SLC68A1: variants seen among roughly 807,000 people sequenced by gnomAD.
The protein encoded by SLC68A1 is major facilitator superfamily domain containing 13A.
chr10:102,463,084 G>A, the SLC68A1 span, among the ~76,000 whole-genome samples: 1 of 152,004 alleles, frequency 6.6e-6, no homozygotes, highest in Non-Finnish European at 1.5e-5. Flanking sequence ...GGGGCCAATC[G>A]ACCCAGCAGG....
the SLC68A1 span, chr10:102,475,891 C>T: frequency 1.5e-5 from 25 of 1,613,916 alleles, no homozygotes; most frequent in Middle Eastern, 3.3e-4. Flanking sequence ...TCACCTGGTC[C>T]CAGTTCACGC....
chr10:102,472,096 G>A, the SLC68A1 span: 9,046 of 451,588 alleles, frequency 0.02, 675 homozygotes, highest in African/African-American at 0.16. Context: ...CCAGGAGTTC[G>A]AGGCTGCAAT....
the SLC68A1 span, chr10:102,471,456 A>G: frequency 6.3e-7 from 1 of 1,586,038 alleles, no homozygotes; most frequent in Admixed American, 1.7e-5. Flanking sequence ...AAGGGGACAG[A>G]CTCCTCAAGA....
At chr10:102,471,328 G>C in the SLC68A1 span, 4 of 1,613,770 alleles carry the variant, frequency 2.5e-6, no homozygotes, top group Non-Finnish European at 3.4e-6. Context: ...CATCACCTTG[G>C]GCCGGTATCT....
At chr10:102,475,315 A>G in the SLC68A1 span, among the ~76,000 whole-genome samples, 1 of 149,098 alleles carries the variant, frequency 6.7e-6, no homozygotes, top group African/African-American at 2.5e-5. Flanking sequence ...AAAAAAGTTC[A>G]CTCTGGCTGC....
At chr10:102,474,224 C>G in the SLC68A1 span, among the ~76,000 whole-genome samples, 5 of 152,270 alleles carry the variant, frequency 3.3e-5, no homozygotes, top group African/African-American at 9.6e-5. Flanking sequence ...TACGGAATCC[C>G]TTCTCTGCAG....
chr10:102,464,990 C>T, the SLC68A1 span, among the ~76,000 whole-genome samples: 30 of 151,990 alleles, frequency 2.0e-4, no homozygotes, highest in South Asian at 1.2e-3. Context: ...TGTGGAGGCT[C>T]ATGGCTGCAA....
chr10:102,472,767 G>A, the SLC68A1 span: 8 of 950,816 alleles, frequency 8.4e-6, no homozygotes, highest in South Asian at 9.0e-5. Context: ...TGGGGAGTTG[G>A]GGGGGATGTG....
the SLC68A1 span, chr10:102,475,950 C>A: frequency 6.2e-7 from 1 of 1,612,494 alleles, no homozygotes; most frequent in Non-Finnish European, 8.5e-7. Context: ...CAGAACCTGT[C>A]ACAGGCCCAA....
chr10:102,476,672 G>T, the SLC68A1 span: 1 of 986,250 alleles, frequency 1.0e-6, no homozygotes, highest in Non-Finnish European at 1.2e-6. Flanking sequence ...TGTGCTCAGG[G>T]ACGTGCTTCT....
chr10:102,462,869 A>G, the SLC68A1 span, among the ~76,000 whole-genome samples: 1 of 152,116 alleles, frequency 6.6e-6, no homozygotes, highest in African/African-American at 2.4e-5. Context: ...TATGATCACT[A>G]TTCTTCTTTG....
At chr10:102,472,308 G>A in the SLC68A1 span, 1 of 295,396 alleles carries the variant, frequency 3.4e-6, no homozygotes, top group East Asian at 1.2e-4. Context: ...TGTTGCCCAG[G>A]CTGGAGTGTA....
chr10:102,476,152 C>T, the SLC68A1 span: 1 of 1,211,672 alleles, frequency 8.3e-7, no homozygotes, highest in Non-Finnish European at 1.1e-6. Context: ...CTCACTGAAA[C>T]CACCACCCAG....
the SLC68A1 span, among the ~76,000 whole-genome samples, chr10:102,467,208 G>T: frequency 6.6e-6 from 1 of 152,104 alleles, no homozygotes; most frequent in African/African-American, 2.4e-5. Flanking sequence ...GCTAATTTTT[G>T]TATTTTTAGT....
At chr10:102,469,309 G>A in the SLC68A1 span, 1 of 1,026,374 alleles carries the variant, frequency 9.7e-7, no homozygotes, top group Non-Finnish European at 1.5e-6. Context: ...TCAGAGGCCT[G>A]GGCAGTCCAG....
chr10:102,476,857 A>C, the SLC68A1 span: 1 of 985,544 alleles, frequency 1.0e-6, no homozygotes, highest in Non-Finnish European at 1.2e-6. Flanking sequence ...CCAGTCAGGG[A>C]AAGCTGACTG....
At chr10:102,473,697 G>A in the SLC68A1 span, 2 of 1,614,078 alleles carry the variant, frequency 1.2e-6, no homozygotes, top group Middle Eastern at 1.6e-4. Context: ...TCATGTTGTT[G>A]GCCGGCCCGG....
the SLC68A1 span, chr10:102,476,552 A>G: frequency 1.0e-6 from 1 of 985,904 alleles, no homozygotes; most frequent in Non-Finnish European, 1.2e-6. Context: ...CCTCTAGTGC[A>G]GCCTGGAAGA....
At chr10:102,476,242 A>G in the SLC68A1 span, 1 of 478,118 alleles carries the variant, frequency 2.1e-6, no homozygotes, top group Non-Finnish European at 3.2e-6. Flanking sequence ...TACTTTTTGT[A>G]TTTTTAGTAG....
Sources: allele counts gnomAD v4.1 joint callset (sites outside exome capture counted in the v4.1 genomes callset), GRCh38; gene constraint gnomAD v4.1.1; transcripts MANE v1.5; gene names NCBI Gene and HGNC (gene_info 2026-07-23, HGNC 2026-07-21).